Variants in CSNK1D observed in about 807,000 individuals in gnomAD.
CSNK1D encodes the protein casein kinase 1 delta, also known as casein kinase I isoform delta.
In CSNK1D, 16 loss-of-function variants were observed where a neutral mutation model predicts 46.6. That is an observed-to-expected ratio of 0.34 (90% CI 0.23 to 0.52). The LOEUF (loss-of-function observed/expected upper bound fraction) is 0.52. Among genes scored for constraint, CSNK1D ranks in the 20% least tolerant of loss-of-function variants. The pLI, the probability that CSNK1D is intolerant of heterozygous loss-of-function variation, is 0.95. For synonymous variants in CSNK1D, 276 were observed against 228.2 expected (o/e 1.21, Z -1.89); for missense variants, 398 against 578.4 (o/e 0.69, Z 3.20).
Position 82,249,483 on chromosome 17 carries a change from C to T in CSNK1D, c.1005G>A (p.Arg335=), listed in dbSNP as rs773095974. The change falls in exon 7 of 9, where the codon CGG becomes CGA. Residue 335 remains arginine (R), a synonymous_variant. Transcript: ENST00000314028. The surrounding 1 kb of genome is among the most constrained non-coding windows in gnomAD (Gnocchi z 6.7). Reference sequence around the variant, plus strand: ...TGGGGGGAGCCACTTCCTGCGTCCCCCGCAGGCGGCCGGAGGCTGTGGAAG... The same window carrying T: ...TGGGGGGAGCCACTTCCTGCGTCCCTCGCAGGCGGCCGGAGGCTGTGGAAG... ...GLPSTASGRL[R]GTQEVAPPTP... is the part of the protein sequence containing the mutation. 10 of 1,542,344 alleles carry T rather than the reference C, an allele frequency of 6.5e-6. 1 individual carries two copies. The South Asian group carries it at 1.2e-4, about 18-fold the overall frequency.
At chr17:82,242,003 C>T (rs939142233), downstream of CSNK1D, among the ~76,000 whole-genome samples, 8 of 138,640 alleles carry the variant, frequency 5.8e-5, no homozygotes, top group South Asian at 5.0e-4. Flanking sequence ...TCTTAGGCAG[C>T]GTGACCCTGG....
At chr17:82,242,221 G>C (rs577613932), downstream of CSNK1D, among the ~76,000 whole-genome samples, 22 of 151,504 alleles carry the variant, frequency 1.5e-4, no homozygotes, top group East Asian at 7.8e-4. Context: ...CTGGGGGGGG[G>C]GGGAAGAGGA....
Position 82,255,657 on chromosome 17 carries a change from G to C in CSNK1D, c.188-80C>G. On this transcript the variant is annotated intron_variant, in intron 2 of 8. Coordinates refer to ENST00000314028, the MANE Select transcript of CSNK1D (RefSeq NM_001893.6). This position sits in a 1 kb window ranked among gnomAD's most constrained non-coding sequence, Gnocchi z 5.9. ...ACTAAGTCTGCACTGTGCACACCAA[G>C]GGGTCATGGTGACAATCCTGAACGG... is the stretch of plus-strand genomic sequence containing the variant. The C allele has an allele frequency of 1.9e-6, 3 of 1,562,956 alleles. No individual in the cohort carries two copies. Among genetic ancestry groups the C allele is most frequent in the Non-Finnish European group, 2.6e-6 (3 of 1,135,316 alleles).
At chr17:82,267,940 T>G (rs2051520190) in intron 1 of CSNK1D, among the ~76,000 whole-genome samples, 1 of 152,244 alleles carries the variant, frequency 6.6e-6, no homozygotes, top group Non-Finnish European at 1.5e-5. Flanking sequence ...TGTCTGCCAG[T>G]CACACCTGCA....
chr17:82,263,711 G>A (rs1015661588), intron 2 of CSNK1D, among the ~76,000 whole-genome samples: 4 of 152,196 alleles, frequency 2.6e-5, no homozygotes, highest in African/African-American at 7.2e-5. Context: ...GACATCTCTC[G>A]TAAAAACTTA....
chr17:82,267,234 T>C (rs1207296040), intron 1 of CSNK1D, among the ~76,000 whole-genome samples: 1 of 152,140 alleles, frequency 6.6e-6, no homozygotes, highest in Non-Finnish European at 1.5e-5. Context: ...CGGTTTCTCT[T>C]GTCAATGGAG....
chr17:82,264,127 AATC>A (rs1411886230), intron 2 of CSNK1D, among the ~76,000 whole-genome samples: 1 of 152,234 alleles, frequency 6.6e-6, no homozygotes, highest in African/African-American at 2.4e-5. Flanking sequence ...CAAAGAATCA[AATC>A]AACAGTCCTC....
At position 82,273,634 on chromosome 17, in the gene CSNK1D, T is replaced by G; in HGVS notation, c.-253A>C. The G allele has an allele frequency of 1.8e-6, 1 of 550,780 alleles. No homozygotes were observed. The highest frequency in any genetic ancestry group is 3.2e-6 in the Non-Finnish European group (1 of 314,650). 34.1% of individuals were successfully genotyped at this position (550,780 alleles called of 1,614,324 possible). A position where few individuals can be genotyped will look rare whatever the true frequency, so the allele number is the denominator to read the frequency against. On this transcript the variant is annotated 5_prime_UTR_variant, in exon 1 of 9. Transcript: ENST00000314028. The surrounding 1 kb of genome is among the most constrained non-coding windows in gnomAD (Gnocchi z 5.1). ...CCGCTTGCCCTCTCCCCGCCGCGGA[T>G]GGACTCGGATCTTCCGGGCCTAAAT...
intron 2 of CSNK1D, among the ~76,000 whole-genome samples, chr17:82,256,663 C>T (rs929195817): frequency 5.9e-5 from 9 of 152,104 alleles, no homozygotes; most frequent in African/African-American, 1.7e-4. Context: ...GAATGTGCAC[C>T]GCAGCCTCAC....
In CSNK1D at chr17:82,273,396, G is replaced by A. The variant is rs1269271184; in HGVS notation, c.-15C>T. The A allele has an allele frequency of 1.2e-6, 2 of 1,610,444 alleles. No homozygotes were observed. Among genetic ancestry groups the A allele is most frequent in the Non-Finnish European group, 1.7e-6 (2 of 1,179,232 alleles). On this transcript the variant is annotated 5_prime_UTR_variant, in exon 1 of 9. Transcript: ENST00000314028. The surrounding 1 kb of genome is among the most constrained non-coding windows in gnomAD (Gnocchi z 5.1). ...CTCAGCTCCATGGCGGCGGCGGCCCGATTCGCTCCTGCCCTCCCGGCCGCT... is the reference window on the plus strand; with the variant it reads ...CTCAGCTCCATGGCGGCGGCGGCCCAATTCGCTCCTGCCCTCCCGGCCGCT...
rs1384325791 is a variant in CSNK1D, at chr17:82,273,689, C to T, written c.-308G>A. ...TTTCAGCTGCCTAAAGGAGCCGCCGCCATCGCGCTGTGACGTCACTTCCCC... is the reference window on the plus strand; with the variant it reads ...TTTCAGCTGCCTAAAGGAGCCGCCGTCATCGCGCTGTGACGTCACTTCCCC... On this transcript the variant is annotated 5_prime_UTR_variant, in exon 1 of 9. Coordinates refer to ENST00000314028, the MANE Select transcript of CSNK1D (RefSeq NM_001893.6). The surrounding 1 kb of genome is among the most constrained non-coding windows in gnomAD (Gnocchi z 5.1). 1.6e-5 allele frequency: 8 copies of T among 501,896 alleles called. No individual in the cohort carries two copies. The South Asian group carries it at 2.5e-4, about 15-fold the overall frequency. 31.1% of individuals were successfully genotyped at this position (501,896 alleles called of 1,614,324 possible).
rs144120648 is a variant in CSNK1D, at chr17:82,270,687, G to A, written c.76+2619C>T. The stretch of plus-strand genomic sequence containing the variant: ...TTACTCCGGCTAACGTGACCACCTC[G>A]CCTTTCCTCCGTGGGGTCGTCTGAA... On this transcript the variant is annotated intron_variant, in intron 1 of 8. Transcript: ENST00000314028. Among the ~76,000 whole-genome samples the A allele has an allele frequency of 3.3e-3, 508 of 152,160 alleles. 9 individuals are homozygous for A. The highest frequency in any genetic ancestry group is 4.3e-3 in the Non-Finnish European group (294 of 67,990).
rs556851496 is a variant in CSNK1D, at chr17:82,250,621, G to C, written c.885+758C>G. ...CTTGGCAAGTAAGTCAAGATGAACA[G>C]AGTGCACCCCTCCCAGCATCTGGAG... On this transcript the variant is annotated intron_variant, in intron 6 of 8. Coordinates refer to ENST00000314028, the MANE Select transcript of CSNK1D (RefSeq NM_001893.6). The surrounding 1 kb of genome is among the most constrained non-coding windows in gnomAD (Gnocchi z 4.6). 45 of 190,214 alleles carry C rather than the reference G, an allele frequency of 2.4e-4. No individual in the cohort carries two copies. The highest frequency in any genetic ancestry group is 1.0e-3 in the South Asian group (13 of 12,618). 11.8% of individuals were successfully genotyped at this position (190,214 alleles called of 1,614,324 possible).
rs376297131 is a variant in CSNK1D, at chr17:82,255,059, A to G, written c.336+370T>C. The G allele has an allele frequency of 1.2e-4, 43 of 354,344 alleles. No individual in the cohort carries two copies. The highest frequency in any genetic ancestry group is 9.9e-4 in the East Asian group (13 of 13,192). 21.9% of individuals were successfully genotyped at this position (354,344 alleles called of 1,614,324 possible). ...GGAGCCTCGAGAAGCCAGTGAGCTG[A>G]GCCGCCGGAGCCTCGAGAAGCCAGT... On this transcript the variant is annotated intron_variant, in intron 3 of 8. Transcript: ENST00000314028. The surrounding 1 kb of genome is among the most constrained non-coding windows in gnomAD (Gnocchi z 5.9).
chr17:82,252,990 C>T lies in CSNK1D; in HGVS notation c.565+26G>A. On this transcript the variant is annotated intron_variant, in intron 4 of 8. Transcript: ENST00000314028. The surrounding 1 kb of genome is among the most constrained non-coding windows in gnomAD (Gnocchi z 4.6). ...GGACGCGCCCAAAGGCACCCCAGGT[C>T]AGTGACCCCATGCCCAGGGGCTCAC... The T allele has an allele frequency of 6.2e-7, 1 of 1,607,562 alleles. No individual in the cohort carries two copies. Among genetic ancestry groups the T allele is most frequent in the African/African-American group, 1.3e-5 (1 of 74,928 alleles).
intron 1 of CSNK1D, among the ~76,000 whole-genome samples, chr17:82,270,005 C>T (rs913953580): frequency 7.9e-5 from 12 of 152,234 alleles, no homozygotes; most frequent in African/African-American, 2.7e-4. Context: ...GGCACAGGGC[C>T]GGGGCCAGGT....
Position 82,252,089 on chromosome 17 carries a change from C to T in CSNK1D, c.736+345G>A, listed in dbSNP as rs2051027044. ...AATGCAAAGGAAATCTCCCGAGCTCCTGGAGGGGGCCAGAGAGGGCAGCCA... is the reference window on the plus strand; with the variant it reads ...AATGCAAAGGAAATCTCCCGAGCTCTTGGAGGGGGCCAGAGAGGGCAGCCA... On this transcript the variant is annotated intron_variant, in intron 5 of 8. Transcript: ENST00000314028. This position sits in a 1 kb window ranked among gnomAD's most constrained non-coding sequence, Gnocchi z 4.6. Among the ~76,000 whole-genome samples the T allele has an allele frequency of 6.6e-6, 1 of 152,236 alleles. No homozygotes were observed. Among genetic ancestry groups the T allele is most frequent in the Admixed American group, 6.5e-5 (1 of 15,286 alleles).
At chr17:82,260,437 GTGACTGATGGTGTAC>G (rs1425149498) in intron 2 of CSNK1D, among the ~76,000 whole-genome samples, 15 of 150,278 alleles carry the variant, frequency 1.0e-4, no homozygotes, top group East Asian at 5.9e-4. Context: ...ACTGAGTGAT[GTGACTGATGGTGTAC>G]TGACTGATGG....
At position 82,242,781 on chromosome 17, in the gene CSNK1D, G is replaced by C. The variant is rs575607798; in HGVS notation, c.*2000C>G. 9 of 985,122 alleles carry C rather than the reference G, an allele frequency of 9.1e-6. No homozygotes were observed. The highest frequency in any genetic ancestry group is 1.7e-5 in the African/African-American group (1 of 57,232). The allele number at this position is 985,122 out of a possible 1,614,324, so 61.0% of individuals were successfully genotyped here. ...GCCGTCAGTGCACAGCTGACACGAC[G>C]TCCTACCTACGTCTCCTGCACGGGG... On this transcript the variant is annotated 3_prime_UTR_variant, in exon 9 of 9. Coordinates refer to ENST00000314028, the MANE Select transcript of CSNK1D (RefSeq NM_001893.6).
Sources: allele counts gnomAD v4.1 joint callset (sites outside exome capture counted in the v4.1 genomes callset), GRCh38; gene constraint gnomAD v4.1.1; non-coding constraint Gnocchi (gnomAD v3.1); transcripts MANE v1.5; gene names NCBI Gene and HGNC (gene_info 2026-07-23, HGNC 2026-07-21).